Variants in MLXIP observed in about 807,000 individuals in gnomAD.
The protein encoded by MLXIP is MLX-interacting protein.
MLXIP carries 30 observed loss-of-function variants against 87.2 expected under a neutral mutation model. That is an observed-to-expected ratio of 0.34 (90% confidence interval 0.26 to 0.47). The LOEUF is 0.47. Ranked by LOEUF, MLXIP falls within the 20% of genes least tolerant of loss-of-function variation. The probability of loss-of-function intolerance (pLI) is 1.00; values close to 1 mark genes in which losing one functional copy is unlikely to be tolerated. For missense variants in MLXIP, 1,002 were observed against 1,240.1 expected (o/e 0.81, Z 2.88); for synonymous variants, 530 against 514.0 (o/e 1.03, Z -0.42).
chr12:122,139,504 T>A (rs767133252), intron 15 of MLXIP, among the ~76,000 whole-genome samples: 8 of 152,216 alleles, frequency 5.3e-5, no homozygotes, highest in Non-Finnish European at 1.0e-4. Context: ...GCCACCGCTC[T>A]GCCTCTGAGT....
rs1469607478 is a variant in MLXIP, at chr12:122,145,366, C to T, written c.*3554C>T. ...ACACTCCCTTTTCTAGAAGTCAATCCTAAGGTTTCTCTGCTCTGGCTAAGA... is the reference window on the plus strand; with the variant it reads ...ACACTCCCTTTTCTAGAAGTCAATCTTAAGGTTTCTCTGCTCTGGCTAAGA... On this transcript the variant is annotated 3_prime_UTR_variant, in exon 17 of 17. Transcript: ENST00000319080. The T allele has an allele frequency of 3.3e-5, 5 of 152,254 alleles. No individual in the cohort carries two copies. The highest frequency in any genetic ancestry group is 1.2e-4 in the African/African-American group (5 of 41,448). 9.4% of individuals were successfully genotyped at this position (152,254 alleles called of 1,614,324 possible).
intron 1 of MLXIP, among the ~76,000 whole-genome samples, chr12:122,116,732 A>G (rs1952697703): frequency 6.6e-6 from 1 of 152,218 alleles, no homozygotes; most frequent in Non-Finnish European, 1.5e-5. Flanking sequence ...CACCATGCCC[A>G]GCATTGACCA....
chr12:122,081,031 T>A (rs1952083801), intron 1 of MLXIP, among the ~76,000 whole-genome samples: 1 of 43,790 alleles, frequency 2.3e-5, no homozygotes, highest in Admixed American at 1.9e-4. Context: ...TTTGCACTCT[T>A]GTTTGGATAA....
chr12:122,129,457 G>C, intron 4 of MLXIP, 131 bp from the exon 5 acceptor site: 2 of 1,103,366 alleles, frequency 1.8e-6, no homozygotes, highest in South Asian at 1.4e-5. Flanking sequence ...AGTCTCCTTT[G>C]TGCAGGCATC....
intron 6 of MLXIP, 65 bp from the exon 7 acceptor site, chr12:122,130,778 CT>C: frequency 3.4e-6 from 4 of 1,181,214 alleles, no homozygotes; most frequent in Non-Finnish European, 5.1e-6. Flanking sequence ...TGTTCCAGGC[CT>C]TTTTTACGTT....
chr12:122,141,609 A>G (rs1435123342), intron 16 of MLXIP, 82 bp from the exon 17 acceptor site: 2 of 1,562,124 alleles, frequency 1.3e-6, no homozygotes, highest in African/African-American at 1.3e-5. Flanking sequence ...GCATTCCCAC[A>G]TGGGTTGTAG....
intron 1 of MLXIP, among the ~76,000 whole-genome samples, chr12:122,117,526 T>C (rs1416720260): frequency 5.3e-5 from 8 of 152,236 alleles, no homozygotes; most frequent in Admixed American, 5.2e-4. Flanking sequence ...CACTCCCTCA[T>C]TGAAACCACC....
intron 1 of MLXIP, among the ~76,000 whole-genome samples, chr12:122,089,550 C>T (rs1952216280): frequency 6.6e-6 from 1 of 152,066 alleles, no homozygotes; most frequent in South Asian, 2.1e-4. Context: ...AGGCTTTTTT[C>T]TTTTTAACAC....
intron 1 of MLXIP, among the ~76,000 whole-genome samples, chr12:122,116,294 TTTATTA>T (rs1952690593): frequency 6.6e-6 from 1 of 152,028 alleles, no homozygotes; most frequent in Admixed American, 6.6e-5. Context: ...TTTTTTTAAT[TTTATTA>T]TTATTATACT....
At chr12:122,103,569 G>A (rs867404239) in intron 1 of MLXIP, among the ~76,000 whole-genome samples, 30 of 148,742 alleles carry the variant, frequency 2.0e-4, no homozygotes, top group African/African-American at 6.2e-4. Flanking sequence ...CACCCAGGCT[G>A]GAGTTCAGTG....
intron 1 of MLXIP, among the ~76,000 whole-genome samples, chr12:122,098,064 T>C (rs1018178779): frequency 6.6e-6 from 1 of 152,244 alleles, no homozygotes; most frequent in African/African-American, 2.4e-5. Flanking sequence ...GCAGGGCCTG[T>C]GTGGAGCCAG....
At chr12:122,095,928 G>A (rs909170168) in intron 1 of MLXIP, among the ~76,000 whole-genome samples, 5 of 151,688 alleles carry the variant, frequency 3.3e-5, no homozygotes, top group East Asian at 3.9e-4. Flanking sequence ...GCAGTGGCGC[G>A]ATCTCAGCTC....
In MLXIP at chr12:122,133,808, C is replaced by T. The variant is rs375338554; in HGVS notation, c.1553C>T (p.Ala518Val). 45 of 1,612,720 alleles carry T rather than the reference C, an allele frequency of 2.8e-5. No homozygotes were observed. The highest frequency in any genetic ancestry group is 8.3e-5 in the Admixed American group (5 of 59,894). Residue 518 changes from alanine to valine, a missense_variant, in exon 9 of 17, where the codon GCG (alanine) becomes GTG (valine). Physicochemically the swap from Ala to Val is moderately conservative, Grantham distance 64. Transcript: ENST00000319080. The surrounding 1 kb of genome is among the most constrained non-coding windows in gnomAD (Gnocchi z 4.9). The stretch of plus-strand genomic sequence containing the variant: ...ACCACCCATCACCCTGCCCCGTCAG[C>T]GGCCCCTTGTGGGCTGGCACTGTCT... Reference protein sequence around the residue: ...VITTHHPAPSAAPCGLALSPV... With the variant: ...VITTHHPAPSVAPCGLALSPV...
At chr12:122,108,007 T>C (rs988350971) in intron 1 of MLXIP, among the ~76,000 whole-genome samples, 1 of 152,110 alleles carries the variant, frequency 6.6e-6, no homozygotes, top group African/African-American at 2.4e-5. Flanking sequence ...AGGTGCGCCA[T>C]GTGTCCCCTG....
At chr12:122,128,090 G>T (rs567571509) in intron 3 of MLXIP, 122 bp downstream of exon 3, 3 of 801,946 alleles carry the variant, frequency 3.7e-6, no homozygotes, top group South Asian at 3.1e-5. Context: ...CCTGCCCTGC[G>T]CCATCCATGC....
chr12:122,129,473 G>A, intron 4 of MLXIP, 115 bp from the exon 5 acceptor site: 1 of 1,233,332 alleles, frequency 8.1e-7, no homozygotes, highest in East Asian at 2.5e-5. Flanking sequence ...GCATCGGCCT[G>A]GGGATGGTGT....
intron 1 of MLXIP, among the ~76,000 whole-genome samples, chr12:122,086,438 A>G (rs1478097125): frequency 3.3e-5 from 5 of 152,158 alleles, no homozygotes; most frequent in African/African-American, 9.7e-5. Context: ...TGTAAAGTGG[A>G]TCCTTGTTCC....
intron 1 of MLXIP, among the ~76,000 whole-genome samples, chr12:122,079,634 G>A (rs1352258209): frequency 6.6e-6 from 1 of 152,222 alleles, no homozygotes; most frequent in Non-Finnish European, 1.5e-5. Flanking sequence ...ATATCCAGCA[G>A]CGGTCAGGAC....
chr12:122,127,115 A>T (rs1952893565), intron 1 of MLXIP, 141 bp from the exon 2 acceptor site: 1 of 718,044 alleles, frequency 1.4e-6, no homozygotes, highest in African/African-American at 1.7e-5. Flanking sequence ...TCCCCCAGTG[A>T]CCTGAATTCC....
Sources: allele counts gnomAD v4.1 joint callset (sites outside exome capture counted in the v4.1 genomes callset), GRCh38; gene constraint gnomAD v4.1.1; non-coding constraint Gnocchi (gnomAD v3.1); transcripts MANE v1.5; gene names NCBI Gene and HGNC (gene_info 2026-07-23, HGNC 2026-07-21).